The following IDH2 variants were observed in gnomAD, a reference collection of about 807,000 sequenced individuals.
IDH2 encodes the protein isocitrate dehydrogenase [NADP], mitochondrial.
In IDH2, 18 loss-of-function variants were observed where a neutral mutation model predicts 50.5. The observed-to-expected ratio is 0.36, with a 90% CI of 0.25 to 0.53. The LOEUF (loss-of-function observed/expected upper bound fraction) is 0.53, where lower values mean the gene tolerates loss of function less well. Among genes scored for constraint, IDH2 ranks in the 20% least tolerant of loss-of-function variants. IDH2 has a pLI of 0.92. For synonymous variants in IDH2, 280 were observed against 239.8 expected (o/e 1.17, Z -1.55); for missense variants, 518 against 610.7 (o/e 0.85, Z 1.60).
chr15:90,088,906 A>ATTTTTTTTTTTTTTT (rs57901991), intron 3 of IDH2, among the ~76,000 whole-genome samples, 159 bp from the exon 4 acceptor site: 1 of 96,488 alleles, frequency 1.0e-5, no homozygotes, highest in Non-Finnish European at 2.1e-5. Context: ...GAGTCTGCCA[A>ATTTTTTTTTTTTTTT]TTTTTTTTTT....
In IDH2 at chr15:90,087,558, C is replaced by T. The variant is rs770825833; in HGVS notation, c.696G>A (p.Ala232=). Residue 232 remains alanine (A), a synonymous_variant, in exon 6 of 11, where the codon GCG becomes GCA. Coordinates refer to ENST00000330062, the MANE Select transcript of IDH2 (RefSeq NM_002168.4). ...YNTDESISGF[A]HSCFQYAIQK... ...GGATGGCATACTGGAAGCAGCTGTG[C>T]GCAAAACCTGAGATGGACTGCAGGG... The T allele has an allele frequency of 8.7e-6, 14 of 1,613,602 alleles. No individual in the cohort carries two copies. The highest frequency in any genetic ancestry group is 2.2e-5 in the East Asian group (1 of 44,872).
chr15:90,093,634 T>A (rs1235406016), intron 1 of IDH2, among the ~76,000 whole-genome samples: 3 of 134,204 alleles, frequency 2.2e-5, no homozygotes, highest in South Asian at 2.5e-4. Flanking sequence ...TTATTTATTT[T>A]TTGAGACAGA....
At position 90,085,106 on chromosome 15, in the gene IDH2, C is replaced by A. The variant is rs755012033; in HGVS notation, c.1081-8G>T. ...GGTGCTGGTGGGCCGGCCCTGGGGA[C>A]GGGGGTTGCAGGGAGATCAAGAGCC... On this transcript the variant is annotated splice_polypyrimidine_tract_variant and splice_region_variant and intron_variant, in intron 8 of 10. Coordinates refer to ENST00000330062, the MANE Select transcript of IDH2 (RefSeq NM_002168.4). This position sits in a 1 kb window ranked among gnomAD's most constrained non-coding sequence, Gnocchi z 5.5. 6.2e-7 allele frequency: 1 copy of A among 1,613,064 alleles called. No homozygotes were observed. The highest frequency in any genetic ancestry group is 8.5e-7 in the Non-Finnish European group (1 of 1,179,560).
chr15:90,101,787 G>T (rs1267935081), intron 1 of IDH2, among the ~76,000 whole-genome samples: 3 of 152,160 alleles, frequency 2.0e-5, no homozygotes, highest in Non-Finnish European at 4.4e-5. Context: ...GTATCAGCGC[G>T]CGCCTGGCTG....
intron 7 of IDH2, among the ~76,000 whole-genome samples, chr15:90,086,585 T>C (rs1900864947): frequency 6.6e-6 from 1 of 152,060 alleles, no homozygotes; most frequent in South Asian, 2.1e-4. Flanking sequence ...TTTTTTGCAT[T>C]TTTAGTAGAG....
chr15:90,093,225 C>A (rs563065335), intron 1 of IDH2, among the ~76,000 whole-genome samples: 38 of 152,328 alleles, frequency 2.5e-4, no homozygotes, highest in African/African-American at 8.9e-4. Context: ...CTCTTTATCT[C>A]TCTCTGTTGC....
chr15:90,096,641 A>G (rs913942514), intron 1 of IDH2, among the ~76,000 whole-genome samples: 4 of 152,174 alleles, frequency 2.6e-5, no homozygotes, highest in African/African-American at 9.7e-5. Context: ...ACTGCCGGGC[A>G]CGGTGGCTCG....
chr15:90,087,591 C>T lies in IDH2; in HGVS notation c.679-16G>A, dbSNP rs1900896777. The T allele has an allele frequency of 6.2e-7, 1 of 1,612,536 alleles. No homozygotes were observed. The highest frequency in any genetic ancestry group is 1.7e-5 in the Admixed American group (1 of 60,004). ...CTGAGATGGACTGCAGGGGGAGAGA[C>T]AGGGCCCTGGCGTGGTGCCCTAGCC... On this transcript the variant is annotated splice_polypyrimidine_tract_variant and intron_variant, in intron 5 of 10. Transcript: ENST00000330062.
At chr15:90,093,813 T>C (rs1397938247) in intron 1 of IDH2, among the ~76,000 whole-genome samples, 1 of 151,744 alleles carries the variant, frequency 6.6e-6, no homozygotes, top group Non-Finnish European at 1.5e-5. Flanking sequence ...AGAGACGGGG[T>C]TTTGCCATGT....
At chr15:90,091,522 G>C (rs1179532022) in intron 2 of IDH2, 31 bp downstream of exon 2, 1 of 1,562,910 alleles carries the variant, frequency 6.4e-7, no homozygotes, top group Admixed American at 1.7e-5. Context: ...AGCCCACCTG[G>C]AGAGCCACCC....
In IDH2 at chr15:90,084,721, G is replaced by T; in HGVS notation, c.1271+95C>A. On this transcript the variant is annotated intron_variant, in intron 10 of 10. Transcript: ENST00000330062. This position sits in a 1 kb window ranked among gnomAD's most constrained non-coding sequence, Gnocchi z 5.0. ...GACATGTCCTGCCCCAGGCCCCCTT[G>T]CAGCTAAGCTGACTCATGAGGGGGA... The T allele has an allele frequency of 9.9e-7, 1 of 1,009,674 alleles. No individual in the cohort carries two copies. Among genetic ancestry groups the T allele is most frequent in the Non-Finnish European group, 1.6e-6 (1 of 641,282 alleles). 62.5% of individuals were successfully genotyped at this position (1,009,674 alleles called of 1,614,324 possible).
At position 90,084,093 on chromosome 15, in the gene IDH2, A is replaced by G; in HGVS notation, c.*173T>C. 1.6e-6 allele frequency: 1 copy of G among 623,426 alleles called. No homozygotes were observed. Among genetic ancestry groups the G allele is most frequent in the Non-Finnish European group, 2.9e-6 (1 of 347,050 alleles). 38.6% of individuals were successfully genotyped at this position (623,426 alleles called of 1,614,324 possible). A position where few individuals can be genotyped will look rare whatever the true frequency, so the allele number is the denominator to read the frequency against. On this transcript the variant is annotated 3_prime_UTR_variant, in exon 11 of 11. Transcript: ENST00000330062. The surrounding 1 kb of genome is among the most constrained non-coding windows in gnomAD (Gnocchi z 5.0). ...AGGTAAAACGCACTGCTCCTGCCTC[A>G]CGTCACCATGAGGGGAAACACACAT...
rs1251532016 is a variant in IDH2, at chr15:90,100,664, G to C, written c.115+1612C>G. 1.0e-6 allele frequency: 1 copy of C among 985,098 alleles called. No individual in the cohort carries two copies. Among genetic ancestry groups the C allele is most frequent in the Non-Finnish European group, 1.2e-6 (1 of 829,756 alleles). The allele number at this position is 985,098 out of a possible 1,614,324, so 61.0% of individuals were successfully genotyped here. On this transcript the variant is annotated intron_variant, in intron 1 of 10. Transcript: ENST00000330062. This position sits in a 1 kb window ranked among gnomAD's most constrained non-coding sequence, Gnocchi z 4.1. ...GGAATTACCAGGCAGCAAAGACACG[G>C]GGCTCTTTTAGCCCCAAAATATTCT... is the stretch of plus-strand genomic sequence containing the variant.
At chr15:90,089,858 G>A (rs1407265166) in intron 3 of IDH2, among the ~76,000 whole-genome samples, 1 of 152,218 alleles carries the variant, frequency 6.6e-6, no homozygotes, top group African/African-American at 2.4e-5. Context: ...GCACCTCTCA[G>A]TGACCCTGCA....
intron 1 of IDH2, among the ~76,000 whole-genome samples, chr15:90,097,562 C>G (rs950548140): frequency 6.6e-6 from 1 of 152,176 alleles, no homozygotes; most frequent in African/African-American, 2.4e-5. Flanking sequence ...GTGAAATAAA[C>G]CAGTCACAAA....
At chr15:90,086,589 A>G (rs1200847623) in intron 7 of IDH2, among the ~76,000 whole-genome samples, 1 of 151,860 alleles carries the variant, frequency 6.6e-6, no homozygotes, top group Non-Finnish European at 1.5e-5. Flanking sequence ...TTGCATTTTT[A>G]GTAGAGACGG....
chr15:90,086,300 C>T (rs1011144927), intron 7 of IDH2, among the ~76,000 whole-genome samples: 10 of 152,208 alleles, frequency 6.6e-5, no homozygotes, highest in Non-Finnish European at 1.2e-4. Flanking sequence ...CTGCCTGTTT[C>T]CCACACCTAC....
In IDH2 at chr15:90,085,019, C is replaced by T. The variant is rs1458829531; in HGVS notation, c.1160G>A (p.Gly387Glu). The T allele has an allele frequency of 6.2e-7, 1 of 1,613,960 alleles. No individual in the cohort carries two copies. The highest frequency in any genetic ancestry group is 1.1e-5 in the South Asian group (1 of 91,088). ...RGLEHRGKLD[G>E]NQDLIRFAQM... Reference sequence around the variant, plus strand: ...TGCTCACCTGATGAGGTCTTGGTTCCCATCCAGCTTCCCCCGGTGCTCCAG... The same window carrying T: ...TGCTCACCTGATGAGGTCTTGGTTCTCATCCAGCTTCCCCCGGTGCTCCAG... Residue 387 changes from glycine (G) to glutamate (E), a missense_variant, in exon 9 of 11, where the codon GGG (glycine) becomes GAG (glutamate). Physicochemically the swap from Gly to Glu is moderately conservative, Grantham distance 98. Coordinates refer to ENST00000330062, the MANE Select transcript of IDH2 (RefSeq NM_002168.4). The surrounding 1 kb of genome is among the most constrained non-coding windows in gnomAD (Gnocchi z 5.5).
At position 90,087,634 on chromosome 15, in the gene IDH2, C is replaced by G. The variant is rs995233996; in HGVS notation, c.679-59G>C. ...CCCTAGCCTGGCGATTGCCGGCAAC[C>G]TCCCACCTCCCAGGGCAAGGCCCAG... On this transcript the variant is annotated intron_variant, in intron 5 of 10. Transcript: ENST00000330062. 10 of 1,603,288 alleles carry G rather than the reference C, an allele frequency of 6.2e-6. No homozygotes were observed. The African/African-American group carries it at 1.3e-4, about 21-fold the overall frequency.
Sources: gnomAD v4.1 joint callset for allele counts (sites outside exome capture counted in the v4.1 genomes callset) on GRCh38, gnomAD v4.1.1 for gene constraint, Gnocchi (gnomAD v3.1) non-coding constraint, MANE v1.5 for transcripts, NCBI Gene and HGNC (gene_info 2026-07-23, HGNC 2026-07-21) for gene names.